SFTPB: variants seen among roughly 807,000 people sequenced by gnomAD.
SFTPB encodes surfactant protein B.
Under a neutral mutation model 51.0 loss-of-function variants are expected in SFTPB, and 32 were observed. That is an observed-to-expected ratio of 0.63 (90% CI 0.47 to 0.84). SFTPB has a LOEUF of 0.84. SFTPB is among the 40% of genes least tolerant of loss of function. The probability of loss-of-function intolerance (pLI) is 0.00; values close to 1 mark genes in which losing one functional copy is unlikely to be tolerated. For synonymous variants in SFTPB, 211 were observed against 208.5 expected, an observed-to-expected ratio of 1.01 and a Z score of -0.10; for missense variants, 431 against 491.2, an observed-to-expected ratio of 0.88 and a Z score of 1.16.
intron 8 of SFTPB, 77 bp downstream of exon 8, chr2:85,663,269 C>T (rs1167281748): frequency 6.3e-7 from 1 of 1,587,718 alleles, no homozygotes; most frequent in Non-Finnish European, 8.6e-7. Context: ...GTGTCTCTGG[C>T]TGCAAAGCCT....
chr2:85,661,852 C>T (rs1364652571), intron 9 of SFTPB, among the ~76,000 whole-genome samples, 177 bp downstream of exon 9: 1 of 152,158 alleles, frequency 6.6e-6, no homozygotes, highest in East Asian at 1.9e-4. Context: ...CCCCCTTTTC[C>T]ATGCTCTCAT....
chr2:85,658,744 G>A lies in SFTPB; in HGVS notation c.*958C>T, dbSNP rs1172128397. On this transcript the variant is annotated 3_prime_UTR_variant, in exon 11 of 11. Transcript: ENST00000519937. ...TCACCATGTTGGCGAGGCTGGTCTC[G>A]AACTCCTGACCTCAAGGATCCTCCT... The A allele has an allele frequency of 1.3e-5, 2 of 151,888 alleles. No individual in the cohort carries two copies. The highest frequency in any genetic ancestry group is 6.6e-5 in the Admixed American group (1 of 15,238). The allele number at this position is 151,888 out of a possible 1,614,324, so 9.4% of individuals were successfully genotyped here.
At chr2:85,663,216 A>G (rs1677397961) in intron 8 of SFTPB, 130 bp downstream of exon 8, 1 of 1,286,610 alleles carries the variant, frequency 7.8e-7, no homozygotes, top group East Asian at 2.3e-5. Flanking sequence ...TGTCTGCCCC[A>G]CATCCTGTCT....
At chr2:85,668,435 C>T (rs1205988507), upstream of SFTPB, among the ~76,000 whole-genome samples, 5 of 152,238 alleles carry the variant, frequency 3.3e-5, no homozygotes, top group Non-Finnish European at 7.3e-5. Context: ...TGGCTTCCTC[C>T]AACCAGGGGC....
At chr2:85,660,003 G>A (rs1027654543) in intron 10 of SFTPB, among the ~76,000 whole-genome samples, 25 of 152,140 alleles carry the variant, frequency 1.6e-4, no homozygotes, top group African/African-American at 6.0e-4. Context: ...AGGGTTTCAG[G>A]AACAGGGCTG....
intron 9 of SFTPB, 53 bp downstream of exon 9, chr2:85,661,976 G>A (rs1021410951): frequency 1.3e-6 from 2 of 1,526,050 alleles, no homozygotes; most frequent in Admixed American, 2.0e-5. Context: ...CAAAGGGTGG[G>A]GGCTCTGGGA....
At chr2:85,665,411 G>C (rs1356241105) in intron 5 of SFTPB, 33 bp from the exon 6 acceptor site, 2 of 1,578,598 alleles carry the variant, frequency 1.3e-6, no homozygotes, top group Non-Finnish European at 1.7e-6. Context: ...GCCAGGCTGG[G>C]TGCTGGGAGA....
At position 85,657,889 on chromosome 2, in the gene SFTPB, C is replaced by CG. The variant is rs953683683; in HGVS notation, c.*1812dup. ...ATTACAAAATACCTTCTTAAGGGTG[C>CG]GGGGGTGCGGGCGTGGGGTGGGTGG... On this transcript the variant is annotated 3_prime_UTR_variant, in exon 11 of 11. Transcript: ENST00000519937. 5 of 94,846 alleles carry CG rather than the reference C, an allele frequency of 5.3e-5. 1 individual carries two copies. The Admixed American group carries it at 6.6e-4, about 13-fold the overall frequency. The allele number at this position is 94,846 out of a possible 1,614,324, so 5.9% of individuals were successfully genotyped here.
Position 85,661,482 on chromosome 2 carries a change from G to C in SFTPB, c.1137C>G (p.Pro379=). Reference sequence around the variant, plus strand: ...GACAGCTGAGTTCTCATCAAAGGTCGGGGCTGTGGATACACTGGAGAGGGC... The same window carrying C: ...GACAGCTGAGTTCTCATCAAAGGTCCGGGCTGTGGATACACTGGAGAGGGC... The part of the protein sequence containing the change: ...MSSPLQCIHS[P]DL Residue 379 remains proline, a synonymous_variant, in exon 10 of 11, where the codon CCC becomes CCG. Coordinates refer to ENST00000519937, the MANE Select transcript of SFTPB (RefSeq NM_000542.5). The C allele has an allele frequency of 1.2e-6, 2 of 1,611,468 alleles. No individual in the cohort carries two copies. Among genetic ancestry groups the C allele is most frequent in the Non-Finnish European group, 1.7e-6 (2 of 1,178,950 alleles).
chr2:85,667,951 C>T (rs1677740266), intron 1 of SFTPB, 145 bp from the exon 2 acceptor site: 13 of 1,294,122 alleles, frequency 1.0e-5, no homozygotes, highest in Non-Finnish European at 1.4e-5. Flanking sequence ...GTTCCACCTG[C>T]TCCTGGACCC....
chr2:85,661,889 G>T (rs1330063067), intron 9 of SFTPB, 140 bp downstream of exon 9: 9 of 723,780 alleles, frequency 1.2e-5, no homozygotes, highest in African/African-American at 8.9e-5. Flanking sequence ...ACAGAGAGGG[G>T]TGCCTCCCAG....
chr2:85,660,536 G>A (rs13386616), intron 10 of SFTPB, among the ~76,000 whole-genome samples: 7 of 139,316 alleles, frequency 5.0e-5, no homozygotes, highest in South Asian at 2.2e-4. Flanking sequence ...CGCAACCTTC[G>A]CCTCCCAGGT....
chr2:85,660,379 C>T (rs978318680), intron 10 of SFTPB, among the ~76,000 whole-genome samples: 18 of 147,040 alleles, frequency 1.2e-4, no homozygotes, highest in Non-Finnish European at 2.4e-4. Flanking sequence ...AAGTGATCCA[C>T]TCGCCTCGGT....
chr2:85,660,444 CTTTT>C (rs67187198), intron 10 of SFTPB, among the ~76,000 whole-genome samples: 1 of 97,452 alleles, frequency 1.0e-5, no homozygotes, highest in Non-Finnish European at 1.9e-5. Context: ...AAAGAAATAC[CTTTT>C]TTTTTTTTTT....
At chr2:85,666,784 T>TCTA (rs1268697588) in intron 3 of SFTPB, 42 bp from the exon 4 acceptor site, 3 of 1,612,696 alleles carry the variant, frequency 1.9e-6, no homozygotes, top group Non-Finnish European at 2.5e-6. Flanking sequence ...CTCTCTGAGG[T>TCTA]CTACCCCGCC....
At chr2:85,668,206 C>G (rs1677755478), upstream of SFTPB, 1 of 1,550,710 alleles carries the variant, frequency 6.4e-7, no homozygotes, top group Non-Finnish European at 8.7e-7. Flanking sequence ...GCCTGGGTAC[C>G]CTGCTTGGTG....
chr2:85,665,886 GGGAGGAA>G, intron 4 of SFTPB, 92 bp from the exon 5 acceptor site: 1 of 1,250,812 alleles, frequency 8.0e-7, no homozygotes, highest in Non-Finnish European at 1.2e-6. Context: ...CCACTGGAAT[GGGAGGAA>G]GCAGGCCTAG....
At chr2:85,667,029 TA>T in intron 3 of SFTPB, 76 bp downstream of exon 3, 1 of 1,347,710 alleles carries the variant, frequency 7.4e-7, no homozygotes, top group Non-Finnish European at 1.1e-6. Flanking sequence ...ATGGCCCCTT[TA>T]GGGGGCTCAG....
At chr2:85,665,258 C>A in intron 6 of SFTPB, 31 bp downstream of exon 6, 1 of 1,531,986 alleles carries the variant, frequency 6.5e-7, no homozygotes, top group Non-Finnish European at 9.0e-7. Flanking sequence ...TGCGTGTGCT[C>A]CTGGGCTCTG....
Sources: allele counts gnomAD v4.1 joint callset (sites outside exome capture counted in the v4.1 genomes callset), GRCh38; gene constraint gnomAD v4.1.1; transcripts MANE v1.5; gene names NCBI Gene and HGNC (gene_info 2026-07-23, HGNC 2026-07-21).